The following STK35 variants were observed in gnomAD, a reference collection of about 807,000 sequenced individuals.
The protein encoded by STK35 is serine/threonine kinase 35.
A neutral mutation model predicts 37.3 loss-of-function variants in STK35; 17 were observed. The ratio of observed to expected loss-of-function variants is 0.46; its 90% CI spans 0.31 to 0.68. The LOEUF is 0.68. STK35 is among the 30% of genes least tolerant of loss of function. The probability of loss-of-function intolerance (pLI) is 0.05; values close to 1 mark genes in which losing one functional copy is unlikely to be tolerated. For missense variants in STK35, 595 were observed against 746.7 expected, an observed-to-expected ratio of 0.80 and a Z score of 2.37; for synonymous variants, 385 against 319.1, an observed-to-expected ratio of 1.21 and a Z score of -2.20.
intron 3 of STK35, among the ~76,000 whole-genome samples, chr20:2,138,604 G>A (rs1010392805): frequency 6.6e-6 from 1 of 152,178 alleles, no homozygotes; most frequent in Non-Finnish European, 1.5e-5. Context: ...AAACCTCGTG[G>A]TTACCAGACT....
intron 3 of STK35, among the ~76,000 whole-genome samples, chr20:2,143,351 G>A (rs188612795): frequency 3.3e-5 from 5 of 152,290 alleles, no homozygotes; most frequent in Admixed American, 1.3e-4. Flanking sequence ...TTGCTGTGGC[G>A]TTTCTAACAA....
chr20:2,122,379 T>C (rs1185310503), intron 3 of STK35, among the ~76,000 whole-genome samples: 2 of 152,174 alleles, frequency 1.3e-5, no homozygotes, highest in South Asian at 2.1e-4. Flanking sequence ...ACTTGACCCC[T>C]ATACCACCAA....
intron 3 of STK35, among the ~76,000 whole-genome samples, chr20:2,135,829 G>A (rs147416915): frequency 3.3e-4 from 51 of 152,286 alleles, no homozygotes; most frequent in African/African-American, 9.6e-4. Flanking sequence ...CAGCTTGGGC[G>A]ACAGCAAGAC....
At chr20:2,143,128 C>G (rs1986198195) in intron 3 of STK35, among the ~76,000 whole-genome samples, 1 of 152,202 alleles carries the variant, frequency 6.6e-6, no homozygotes, top group Admixed American at 6.5e-5. Flanking sequence ...GGGGCAGCTC[C>G]TGTTTACTCA....
chr20:2,133,575 T>C (rs919539192), intron 3 of STK35, among the ~76,000 whole-genome samples: 1 of 152,186 alleles, frequency 6.6e-6, no homozygotes, highest in African/African-American at 2.4e-5. Flanking sequence ...CCCTATTGCC[T>C]CTTGACCTCC....
rs1986217692 is a variant in STK35, at chr20:2,144,108, G to C, written c.*362G>C. The C allele has an allele frequency of 9.4e-6, 3 of 320,202 alleles. No individual in the cohort carries two copies. The highest frequency in any genetic ancestry group is 4.9e-5 in the Admixed American group (1 of 20,486). The allele number at this position is 320,202 out of a possible 1,614,324, so 19.8% of individuals were successfully genotyped here. A position where few individuals can be genotyped will look rare whatever the true frequency, so the allele number is the denominator to read the frequency against. ...TAAATTTCACTTTTACTTTTTATAA[G>C]GGGTTAGGGAGCTATTTTTGGTTTT... On this transcript the variant is annotated 3_prime_UTR_variant, in exon 4 of 4. Coordinates refer to ENST00000381482, the MANE Select transcript of STK35 (RefSeq NM_080836.4).
At chr20:2,118,144 T>C (rs1199168194) in intron 3 of STK35, among the ~76,000 whole-genome samples, 1 of 152,208 alleles carries the variant, frequency 6.6e-6, no homozygotes, top group Non-Finnish European at 1.5e-5. Context: ...TTTTTCTTTT[T>C]ACTCATTACT....
At chr20:2,122,213 G>C (rs1174486337) in intron 3 of STK35, among the ~76,000 whole-genome samples, 1 of 152,006 alleles carries the variant, frequency 6.6e-6, no homozygotes, top group Non-Finnish European at 1.5e-5. Flanking sequence ...ACATGCCATA[G>C]GCCCAGTACT....
Position 2,103,268 on chromosome 20 carries a change from G to A in STK35, c.795G>A (p.Glu265=), listed in dbSNP as rs1985443649. The A allele has an allele frequency of 1.9e-6, 3 of 1,613,188 alleles. No homozygotes were observed. Among genetic ancestry groups the A allele is most frequent in the South Asian group, 2.2e-5 (2 of 91,044 alleles). ...KRRHQNVVQF[E]ECVLQRNGLA... ...GCCACCAGAACGTCGTGCAGTTTGA[G>A]GAGTGCGTCCTGCAGCGCAATGGGT... The change falls in exon 2 of 4, where the codon GAG becomes GAA. Residue 265 remains glutamate (E), a synonymous_variant. Transcript: ENST00000381482.
At chr20:2,124,121 A>G (rs1281670675) in intron 3 of STK35, among the ~76,000 whole-genome samples, 1 of 152,138 alleles carries the variant, frequency 6.6e-6, no homozygotes, top group African/African-American at 2.4e-5. Flanking sequence ...TTAAATTTAA[A>G]ATGTTTTCCT....
At chr20:2,138,831 C>T (rs968158958) in intron 3 of STK35, among the ~76,000 whole-genome samples, 1 of 152,138 alleles carries the variant, frequency 6.6e-6, no homozygotes, top group Non-Finnish European at 1.5e-5. Context: ...TGAGACCAGC[C>T]TGGGCCACAT....
At chr20:2,132,816 C>G (rs2122577560) in intron 3 of STK35, among the ~76,000 whole-genome samples, 1 of 152,330 alleles carries the variant, frequency 6.6e-6, no homozygotes, top group South Asian at 2.1e-4. Context: ...CTCCTACTTA[C>G]TAGCTGGGCG....
intron 3 of STK35, among the ~76,000 whole-genome samples, chr20:2,130,992 G>C (rs2122574746): frequency 6.6e-6 from 1 of 152,330 alleles, no homozygotes; most frequent in South Asian, 2.1e-4. Context: ...AATTCAGCAA[G>C]TGGTTACTGA....
Position 2,102,965 on chromosome 20 carries a change from G to T in STK35, c.492G>T (p.Leu164=). 6.9e-7 allele frequency: 1 copy of T among 1,439,548 alleles called. No homozygotes were observed. 89.2% of individuals were successfully genotyped at this position (1,439,548 alleles called of 1,614,324 possible). A position where few individuals can be genotyped will look rare whatever the true frequency, so the allele number is the denominator to read the frequency against. The change falls in exon 2 of 4, where the codon CTG becomes CTT. Residue 164 remains leucine, a synonymous_variant. Coordinates refer to ENST00000381482, the MANE Select transcript of STK35 (RefSeq NM_080836.4). The stretch of plus-strand genomic sequence containing the variant: ...TGCCGCGGGCGCCCAGCACGAAGCT[G>T]AGGCCGGCGGCGGCGGCCCGGGCCA... ...SPVPRAPSTK[L]RPAAAARAMD...
chr20:2,105,432 C>T (rs1985496010), intron 2 of STK35, among the ~76,000 whole-genome samples: 1 of 152,216 alleles, frequency 6.6e-6, no homozygotes, highest in South Asian at 2.1e-4. Flanking sequence ...CATATAAATA[C>T]TATGTGGACT....
At chr20:2,130,067 A>G (rs894399224) in intron 3 of STK35, among the ~76,000 whole-genome samples, 5 of 152,312 alleles carry the variant, frequency 3.3e-5, no homozygotes, top group African/African-American at 1.2e-4. Flanking sequence ...AGCTGACTCC[A>G]TCATGTGTGG....
intron 3 of STK35, among the ~76,000 whole-genome samples, chr20:2,119,951 G>A (rs1301804723): frequency 1.3e-5 from 2 of 152,266 alleles, no homozygotes; most frequent in African/African-American, 4.8e-5. Flanking sequence ...TTCTACAAAC[G>A]TGTGTTCCAG....
intron 3 of STK35, among the ~76,000 whole-genome samples, chr20:2,134,708 T>G (rs1986056161): frequency 6.6e-6 from 1 of 151,990 alleles, no homozygotes; most frequent in Admixed American, 6.6e-5. Flanking sequence ...CTTGCCAACA[T>G]GGTGAAACCC....
chr20:2,116,196 A>G (rs1475581847), intron 2 of STK35, among the ~76,000 whole-genome samples: 1 of 152,028 alleles, frequency 6.6e-6, no homozygotes, highest in Non-Finnish European at 1.5e-5. Context: ...AATAAAGGAA[A>G]TTCTAGTGCC....
Sources: allele counts gnomAD v4.1 joint callset (sites outside exome capture counted in the v4.1 genomes callset), GRCh38; gene constraint gnomAD v4.1.1; transcripts MANE v1.5; gene names NCBI Gene and HGNC (gene_info 2026-07-23, HGNC 2026-07-21).